CHUK: variants seen among roughly 807,000 people sequenced by gnomAD.
CHUK encodes the protein component of inhibitor of nuclear factor kappa B kinase complex, also known as inhibitor of nuclear factor kappa-B kinase subunit alpha.
CHUK carries 35 observed loss-of-function variants against 104.8 expected under a neutral mutation model. The ratio of observed to expected loss-of-function variants is 0.33; its 90% CI spans 0.26 to 0.44. The LOEUF is 0.44. Ranked by LOEUF, CHUK falls within the 20% of genes least tolerant of loss-of-function variation. The pLI is 1.00. For missense variants in CHUK, 663 were observed against 902.7 expected, an observed-to-expected ratio of 0.73 and a Z score of 3.40; for synonymous variants, 276 against 291.9, an observed-to-expected ratio of 0.95 and a Z score of 0.56.
chr10:100,202,151 T>C lies in CHUK; in HGVS notation c.1508-2A>G. The stretch of plus-strand genomic sequence containing the variant: ...ATGCTTTTAGCATTTTTTCTGAAGC[T>C]AAAAGAAAAGTCTAAATTGGTTATC... On this transcript the variant is annotated splice_acceptor_variant, in intron 13 of 20. Transcript: ENST00000370397. LOFTEE classifies it high-confidence loss of function. The C allele has an allele frequency of 6.2e-7, 1 of 1,607,244 alleles. No individual in the cohort carries two copies. The highest frequency in any genetic ancestry group is 8.5e-7 in the Non-Finnish European group (1 of 1,174,318).
At chr10:100,195,452 T>C (rs1474072352) in intron 16 of CHUK, 1 of 152,176 alleles carries the variant, frequency 6.6e-6, no homozygotes, top group Non-Finnish European at 1.5e-5. Flanking sequence ...ACTTCCCCCA[T>C]AGCCCAACTT....
intron 3 of CHUK, among the ~76,000 whole-genome samples, 176 bp downstream of exon 3, chr10:100,222,690 C>T (rs1028210601): frequency 1.3e-5 from 2 of 152,142 alleles, no homozygotes; most frequent in African/African-American, 4.8e-5. Flanking sequence ...AAGAAAGCAG[C>T]CATAGACAAT....
chr10:100,189,710 G>A, intron 20 of CHUK, 83 bp from the exon 21 acceptor site: 2 of 944,032 alleles, frequency 2.1e-6, no homozygotes, highest in Non-Finnish European at 1.7e-6. Context: ...CAAGTTTTCT[G>A]TTTGGACATT....
downstream of CHUK, chr10:100,188,044 GAT>G (rs1307804876): frequency 1.3e-5 from 2 of 152,166 alleles, no homozygotes; most frequent in East Asian, 3.8e-4. Context: ...GACGAACAGT[GAT>G]ATGTGATGAC....
intron 1 of CHUK, among the ~76,000 whole-genome samples, chr10:100,228,855 TC>T (rs1846163345): frequency 6.6e-6 from 1 of 151,968 alleles, no homozygotes. Flanking sequence ...CCTCATACTG[TC>T]CCGACCTGGA....
intron 14 of CHUK, 135 bp downstream of exon 14, chr10:100,201,953 C>A: frequency 2.7e-6 from 2 of 732,870 alleles, no homozygotes; most frequent in Non-Finnish European, 4.9e-6. Context: ...TCTTTATATA[C>A]AAAGCATCTA....
At chr10:100,204,687 G>A (rs1330832631) in intron 12 of CHUK, 30 bp from the exon 13 acceptor site, 3 of 1,546,692 alleles carry the variant, frequency 1.9e-6, no homozygotes, top group Admixed American at 3.4e-5. Context: ...AAAAGAAAAA[G>A]AAAAAAGATA....
chr10:100,220,765 G>C, intron 4 of CHUK, 89 bp from the exon 5 acceptor site: 1 of 798,900 alleles, frequency 1.3e-6, no homozygotes, highest in Non-Finnish European at 2.1e-6. Flanking sequence ...AATCTACTCT[G>C]ATGCTCAAGT....
chr10:100,186,435 A>C, downstream of CHUK: 1 of 174,000 alleles, frequency 5.7e-6, no homozygotes, highest in Non-Finnish European at 1.2e-5. Context: ...CTTGTTGCAA[A>C]TAAAGTGCTG....
rs1300636914 is a variant in CHUK at position 100,219,357 on chromosome 10, T to C, written c.477A>G (p.Ile159Met). Residue 159 changes from isoleucine (I) to methionine (M), a missense_variant and splice_region_variant, in exon 6 of 21, where the codon ATA becomes ATG. Ile to Met is a conservative substitution (Grantham distance 10, BLOSUM62 1). Around this residue, in one of 5 missense-constraint regions of CHUK, gnomAD observed 200 missense variants for 333.0 expected, o/e 0.60. Coordinates refer to ENST00000370397, the MANE Select transcript of CHUK (RefSeq NM_001278.5). The part of the protein sequence containing the change: ...NIVLQDVGGK[I>M]IHKIIDLGYA... ...ATCCCAGATCAATTATTTTATGTAT[T>C]ATCTGCAAAATAATAAGACAGATTA... 3.4e-6 allele frequency: 5 copies of C among 1,469,434 alleles called. No individual in the cohort carries two copies. The highest frequency in any genetic ancestry group is 1.8e-4 in the Middle Eastern group (1 of 5,454). The allele number at this position is 1,469,434 out of a possible 1,614,324, so 91.0% of individuals were successfully genotyped here. A position where few individuals can be genotyped will look rare whatever the true frequency, so the allele number is the denominator to read the frequency against.
At position 100,229,556 on chromosome 10, in the gene CHUK, A is replaced by G; in HGVS notation, c.-24T>C. ...ATGGGGCGGGAGGGCAAGCGGCCTC[A>G]GGTTCCACAGTTGTTCCAAGGCCGG... On this transcript the variant is annotated 5_prime_UTR_variant, in exon 1 of 21. Coordinates refer to ENST00000370397, the MANE Select transcript of CHUK (RefSeq NM_001278.5). 2 of 1,453,668 alleles carry G rather than the reference A, an allele frequency of 1.4e-6. No homozygotes were observed. The highest frequency in any genetic ancestry group is 1.9e-6 in the Non-Finnish European group (2 of 1,077,998). 90.0% of individuals were successfully genotyped at this position (1,453,668 alleles called of 1,614,324 possible).
intron 19 of CHUK, among the ~76,000 whole-genome samples, chr10:100,191,292 T>C (rs1845196832): frequency 6.6e-6 from 1 of 152,234 alleles, no homozygotes; most frequent in Non-Finnish European, 1.5e-5. Context: ...GAAAAAATCC[T>C]TGTGGCAAAG....
chr10:100,192,726 G>C, intron 19 of CHUK: 1 of 988,404 alleles, frequency 1.0e-6, no homozygotes, highest in Non-Finnish European at 1.2e-6. Flanking sequence ...TAGTCATTCA[G>C]CTTTTAGCAA....
At chr10:100,202,442 T>C (rs1409975080) in intron 13 of CHUK, among the ~76,000 whole-genome samples, 1 of 152,186 alleles carries the variant, frequency 6.6e-6, no homozygotes, top group Non-Finnish European at 1.5e-5. Flanking sequence ...CAGGGGAGAA[T>C]GCTCTGTGAC....
chr10:100,215,522 A>C (rs913838164), intron 9 of CHUK, among the ~76,000 whole-genome samples: 1 of 150,068 alleles, frequency 6.7e-6, no homozygotes, highest in African/African-American at 2.5e-5. Context: ...GTGAAAGAGG[A>C]GGCAAAAAAA....
chr10:100,207,906 TAAAA>T, intron 10 of CHUK, among the ~76,000 whole-genome samples: 1 of 151,654 alleles, frequency 6.6e-6, no homozygotes, highest in East Asian at 1.9e-4. Flanking sequence ...GACAAGTTAA[TAAAA>T]AAGAAATAAA....
intron 10 of CHUK, among the ~76,000 whole-genome samples, chr10:100,208,163 C>T (rs548056225): frequency 1.2e-4 from 19 of 152,068 alleles, no homozygotes; most frequent in Admixed American, 3.3e-4. Context: ...TGGAGTGCAG[C>T]GGCGTGATCA....
rs146233596 is a variant in CHUK, at chr10:100,219,447, G to C, written c.475-88C>G. 4,311 of 807,888 alleles carry C rather than the reference G, an allele frequency of 5.3e-3. 186 individuals carry two copies. In the Admixed American group the frequency reaches 0.074, roughly 14 times the overall value. The allele number at this position is 807,888 out of a possible 1,614,324, so 50.0% of individuals were successfully genotyped here. Reference sequence around the variant, plus strand: ...AATATCCTTACGAGGCTGTAGACAGGGTAGTGGTGAGGACCTTGGGCTCTG... The same window carrying C: ...AATATCCTTACGAGGCTGTAGACAGCGTAGTGGTGAGGACCTTGGGCTCTG... On this transcript the variant is annotated intron_variant, in intron 5 of 20. Coordinates refer to ENST00000370397, the MANE Select transcript of CHUK (RefSeq NM_001278.5).
intron 8 of CHUK, among the ~76,000 whole-genome samples, chr10:100,218,501 A>AT (rs1845913034): frequency 6.6e-6 from 1 of 152,222 alleles, no homozygotes; most frequent in South Asian, 2.1e-4. Flanking sequence ...CCAAGTGGCT[A>AT]TTTATATTTA....
Sources: gnomAD v4.1 joint callset for allele counts (sites outside exome capture counted in the v4.1 genomes callset) on GRCh38, gnomAD v4.1.1 for gene constraint, gnomAD v4.1.1 regional missense constraint, MANE v1.5 for transcripts, NCBI Gene and HGNC (gene_info 2026-07-23, HGNC 2026-07-21) for gene names.